Variants in CCSER1 observed in about 807,000 individuals in gnomAD.
CCSER1 encodes the protein serine-rich coiled-coil domain-containing protein 1.
In CCSER1, 41 loss-of-function variants were observed where a neutral mutation model predicts 82.0. That is an observed-to-expected ratio of 0.50 (90% CI 0.39 to 0.65). The LOEUF is 0.65. Ranked by LOEUF, CCSER1 falls within the 30% of genes least tolerant of loss-of-function variation. CCSER1 has a pLI of 0.00. For synonymous variants in CCSER1, 414 were observed against 383.9 expected (o/e 1.08, Z -0.92); for missense variants, 1,119 against 1,064.2 (o/e 1.05, Z -0.72).
intron 5 of CCSER1, among the ~76,000 whole-genome samples, chr4:90,570,491 A>G (rs1779974091): frequency 1.3e-5 from 2 of 152,276 alleles, no homozygotes; most frequent in South Asian, 4.1e-4. Flanking sequence ...ACCTGCAGAC[A>G]TACCATGCAA....
chr4:90,632,835 A>G (rs1438944706), intron 6 of CCSER1, among the ~76,000 whole-genome samples: 1 of 152,052 alleles, frequency 6.6e-6, no homozygotes, highest in Non-Finnish European at 1.5e-5. Flanking sequence ...CTCCTACATC[A>G]ATGATGGTCC....
intron 10 of CCSER1, chr4:91,325,110 G>T: frequency 2.2e-6 from 1 of 453,696 alleles, no homozygotes; most frequent in South Asian, 1.6e-5. Flanking sequence ...CCAAGAGGGA[G>T]TACCTTATTT....
intron 10 of CCSER1, among the ~76,000 whole-genome samples, chr4:91,506,623 A>T (rs1465629596): frequency 6.6e-6 from 1 of 152,142 alleles, no homozygotes; most frequent in Non-Finnish European, 1.5e-5. Flanking sequence ...TTTAGTGGAA[A>T]TTAAAATAGG....
At chr4:91,289,235 C>T (rs181489543) in intron 10 of CCSER1, among the ~76,000 whole-genome samples, 8 of 152,094 alleles carry the variant, frequency 5.3e-5, no homozygotes, top group Non-Finnish European at 1.0e-4. Context: ...GAAGGAAAAG[C>T]ATGCTCATTT....
At chr4:91,479,541 A>T (rs889803795) in intron 10 of CCSER1, among the ~76,000 whole-genome samples, 4 of 151,692 alleles carry the variant, frequency 2.6e-5, no homozygotes, top group Non-Finnish European at 5.9e-5. Context: ...AAATCAAATC[A>T]CCACCAAAGA....
chr4:90,769,524 A>C (rs1751761583), intron 7 of CCSER1, among the ~76,000 whole-genome samples: 1 of 152,126 alleles, frequency 6.6e-6, no homozygotes, highest in African/African-American at 2.4e-5. Context: ...GCATAATTGG[A>C]CTTCAGAATT....
intron 7 of CCSER1, among the ~76,000 whole-genome samples, chr4:90,763,172 G>A (rs1750657853): frequency 6.6e-6 from 1 of 151,952 alleles, no homozygotes; most frequent in Non-Finnish European, 1.5e-5. Context: ...AATTTTCCTT[G>A]TGAATTTGCA....
chr4:90,395,346 G>C (rs1453948427), intron 3 of CCSER1, among the ~76,000 whole-genome samples: 2 of 152,172 alleles, frequency 1.3e-5, no homozygotes, highest in African/African-American at 4.8e-5. Flanking sequence ...GATTACAAAT[G>C]TATTAATGCT....
intron 5 of CCSER1, among the ~76,000 whole-genome samples, chr4:90,550,651 C>T (rs985983308): frequency 6.6e-6 from 1 of 151,956 alleles, no homozygotes; most frequent in Admixed American, 6.6e-5. Flanking sequence ...TCAATGTAAC[C>T]TTACAAGTAT....
chr4:90,743,962 G>A (rs1291407893), intron 7 of CCSER1, among the ~76,000 whole-genome samples: 1 of 152,086 alleles, frequency 6.6e-6, no homozygotes, highest in Non-Finnish European at 1.5e-5. Flanking sequence ...AGTTTTAAAA[G>A]TTTCATTTCT....
chr4:91,531,875 A>G (rs772825312), intron 10 of CCSER1, among the ~76,000 whole-genome samples: 16 of 152,018 alleles, frequency 1.1e-4, no homozygotes, highest in Admixed American at 2.0e-4. Context: ...TTGCATTTGG[A>G]TAACTGTTTT....
chr4:90,310,614 C>T lies in CCSER1; in HGVS notation c.1324+1006C>T, dbSNP rs28757647. ...TAATTCATTTATTGGGATATAAATCCTATGAGGTAGGCTCCTATGTTTCCC... is the reference window on the plus strand; with the variant it reads ...TAATTCATTTATTGGGATATAAATCTTATGAGGTAGGCTCCTATGTTTCCC... On this transcript the variant is annotated intron_variant, in intron 2 of 10. Coordinates refer to ENST00000509176, the MANE Select transcript of CCSER1 (RefSeq NM_001145065.2). Among the ~76,000 whole-genome samples, 916 of 152,138 alleles carry T rather than the reference C, an allele frequency of 6.0e-3. 8 individuals are homozygous for T. Among genetic ancestry groups the T allele is most frequent in the African/African-American group, 0.021 (887 of 41,542 alleles).
At chr4:90,720,980 AGAAAT>A (rs1436211264) in intron 6 of CCSER1, among the ~76,000 whole-genome samples, 10 of 151,962 alleles carry the variant, frequency 6.6e-5, no homozygotes, top group Non-Finnish European at 1.5e-5. Flanking sequence ...ACAGCAATAA[AGAAAT>A]GAAAGAGTTT....
chr4:90,879,619 GA>G (rs1720968053), intron 8 of CCSER1, among the ~76,000 whole-genome samples: 1 of 150,724 alleles, frequency 6.6e-6, no homozygotes, highest in Non-Finnish European at 1.5e-5. Flanking sequence ...GGAGGAGGAG[GA>G]GGAGGAGGAA....
At chr4:90,975,320 A>G (rs1336410032) in intron 9 of CCSER1, among the ~76,000 whole-genome samples, 1 of 151,310 alleles carries the variant, frequency 6.6e-6, no homozygotes, top group Non-Finnish European at 1.5e-5. Flanking sequence ...AAATATACTA[A>G]GGAAACACAG....
intron 4 of CCSER1, among the ~76,000 whole-genome samples, chr4:90,437,224 T>A (rs1477587008): frequency 1.3e-5 from 2 of 152,086 alleles, no homozygotes; most frequent in African/African-American, 2.4e-5. Context: ...TAATTTATAA[T>A]TAAAACACAC....
At chr4:91,098,784 G>A (rs564327425) in intron 10 of CCSER1, among the ~76,000 whole-genome samples, 115 of 152,150 alleles carry the variant, frequency 7.6e-4, no homozygotes, top group African/African-American at 2.4e-3. Flanking sequence ...GTCGTGATCT[G>A]CCCGCCTCGG....
intron 10 of CCSER1, among the ~76,000 whole-genome samples, chr4:91,162,398 G>A (rs1005153932): frequency 6.6e-6 from 1 of 151,968 alleles, no homozygotes; most frequent in Admixed American, 6.6e-5. Flanking sequence ...TCTCTTTTTT[G>A]GTTGTGGCTC....
chr4:90,391,447 T>TATATATATATAA (rs1751046996), intron 3 of CCSER1, among the ~76,000 whole-genome samples: 2 of 40,958 alleles, frequency 4.9e-5, no homozygotes, highest in Non-Finnish European at 7.6e-5. Context: ...TATGGGGGTA[T>TATATATATATAA]ATATATATAT....
Sources: gnomAD v4.1 joint callset for allele counts (sites outside exome capture counted in the v4.1 genomes callset) on GRCh38, gnomAD v4.1.1 for gene constraint, MANE v1.5 for transcripts, NCBI Gene and HGNC (gene_info 2026-07-23, HGNC 2026-07-21) for gene names.